GRAMD2B: variants seen among roughly 807,000 people sequenced by gnomAD.
GRAMD2B encodes GRAM domain containing 2B.
In GRAMD2B, 41 loss-of-function variants were observed where a neutral mutation model predicts 59.2. That is an observed-to-expected ratio of 0.69 (90% CI 0.54 to 0.90). The LOEUF is 0.90. GRAMD2B is among the 40% of genes least tolerant of loss of function. The pLI, the probability that GRAMD2B is intolerant of heterozygous loss-of-function variation, is 0.00. For synonymous variants in GRAMD2B, 161 were observed against 182.7 expected (o/e 0.88, Z 0.96); for missense variants, 424 against 500.5 (o/e 0.85, Z 1.46).
intron 1 of GRAMD2B, among the ~76,000 whole-genome samples, chr5:126,456,985 G>T (rs1197197370): frequency 6.6e-6 from 1 of 151,576 alleles, no homozygotes; most frequent in Non-Finnish European, 1.5e-5. Flanking sequence ...AAGGTCAGGA[G>T]ATCAAGACCA....
chr5:126,494,354 CAAAAAAAAAAGA>C (rs1368411887), exon 14 of GRAMD2B: 3 of 122,392 alleles, frequency 2.5e-5, no homozygotes, highest in Non-Finnish European at 5.1e-5. Flanking sequence ...ACTTTGAAGT[CAAAAAAAAAAGA>C]AAAAAAAAAA....
chr5:126,452,504 C>G (rs930906441), intron 1 of GRAMD2B, among the ~76,000 whole-genome samples: 1 of 152,198 alleles, frequency 6.6e-6, no homozygotes, highest in South Asian at 2.1e-4. Context: ...TCCTGAGTAT[C>G]AGGTTCATAA....
intron 8 of GRAMD2B, among the ~76,000 whole-genome samples, chr5:126,481,202 A>AG (rs1771685712): frequency 2.4e-4 from 18 of 74,888 alleles, no homozygotes; most frequent in African/African-American, 7.2e-4. Flanking sequence ...AAAAAAAAAA[A>AG]AAAAGAAAGA....
At chr5:126,385,360 G>T (rs1467779697) in intron 1 of GRAMD2B, among the ~76,000 whole-genome samples, 1 of 152,104 alleles carries the variant, frequency 6.6e-6, no homozygotes, top group Non-Finnish European at 1.5e-5. Context: ...CAACAAAAAG[G>T]ATACTATGAG....
chr5:126,370,717 C>T (rs1754705050), upstream of GRAMD2B, among the ~76,000 whole-genome samples: 1 of 152,154 alleles, frequency 6.6e-6, no homozygotes, highest in African/African-American at 2.4e-5. Context: ...CCTGCAGTTG[C>T]CCAGCCAGCA....
intron 1 of GRAMD2B, among the ~76,000 whole-genome samples, chr5:126,464,726 A>T (rs185708869): frequency 6.6e-6 from 1 of 152,344 alleles, no homozygotes; most frequent in Non-Finnish European, 1.5e-5. Flanking sequence ...GAGCTCTCAC[A>T]CTGAAGAGTT....
chr5:126,462,364 G>A (rs961688492), intron 1 of GRAMD2B: 11 of 969,282 alleles, frequency 1.1e-5, no homozygotes, highest in East Asian at 1.2e-4. Context: ...CCCCTCCCAC[G>A]CTGCTCACTC....
At chr5:126,479,020 T>C (rs1771190775) in intron 6 of GRAMD2B, among the ~76,000 whole-genome samples, 1 of 152,232 alleles carries the variant, frequency 6.6e-6, no homozygotes, top group African/African-American at 2.4e-5. Context: ...ACTATTGGGC[T>C]ACCACAGACA....
intron 1 of GRAMD2B, among the ~76,000 whole-genome samples, chr5:126,462,190 T>G (rs772314596): frequency 4.6e-5 from 7 of 152,252 alleles, no homozygotes; most frequent in Non-Finnish European, 1.0e-4. Context: ...GGGCTTTGTC[T>G]TCTGGTTAAA....
chr5:126,421,756 G>A (rs1759747161), upstream of GRAMD2B, among the ~76,000 whole-genome samples: 1 of 152,114 alleles, frequency 6.6e-6, no homozygotes, highest in Non-Finnish European at 1.5e-5. Context: ...GAAAGAACTT[G>A]CACCTCCAAA....
chr5:126,408,099 C>T (rs565797769), intron 1 of GRAMD2B, among the ~76,000 whole-genome samples: 165 of 151,580 alleles, frequency 1.1e-3, no homozygotes, highest in African/African-American at 3.9e-3. Context: ...ACCCTTGCTC[C>T]CCTCCTTCCC....
In GRAMD2B at chr5:126,390,795, C is replaced by G. The variant is rs1756659335; in HGVS notation, c.125+19228C>G. Among the ~76,000 whole-genome samples the G allele has an allele frequency of 2.6e-5, 4 of 152,162 alleles. No individual in the cohort carries two copies. In the South Asian group the frequency reaches 8.3e-4, roughly 32 times the overall value. ...TGTGCCAGACGTCTCCTCCTAAACTCTTTTCACAAATAGGCTAATTTAAAC... is the reference window on the plus strand; with the variant it reads ...TGTGCCAGACGTCTCCTCCTAAACTGTTTTCACAAATAGGCTAATTTAAAC... On this transcript the variant is annotated intron_variant, in intron 1 of 8. Transcript: ENST00000506445.
intron 1 of GRAMD2B, among the ~76,000 whole-genome samples, chr5:126,410,050 C>A (rs1468778487): frequency 1.2e-4 from 18 of 151,830 alleles, no homozygotes; most frequent in Admixed American, 2.0e-4. Context: ...TGATCTATAT[C>A]TCTGTTTTGG....
chr5:126,487,634 G>T lies in GRAMD2B; in HGVS notation c.1163+657G>T, dbSNP rs73785323. Among the ~76,000 whole-genome samples the T allele has an allele frequency of 9.3e-3, 1,419 of 152,292 alleles. 34 individuals carry two copies. Among genetic ancestry groups the T allele is most frequent in the African/African-American group, 0.032 (1,339 of 41,572 alleles). On this transcript the variant is annotated intron_variant, in intron 12 of 13. Coordinates refer to ENST00000285689, the MANE Select transcript of GRAMD2B (RefSeq NM_023927.4). Reference sequence around the variant, plus strand: ...AGTTTTTGAAGTAGAGATATTTCCTGACAGAGTATTCACCACATGCTGAAG... The same window carrying T: ...AGTTTTTGAAGTAGAGATATTTCCTTACAGAGTATTCACCACATGCTGAAG...
chr5:126,417,774 A>AAC (rs1460487549), intron 1 of GRAMD2B, among the ~76,000 whole-genome samples: 1 of 152,168 alleles, frequency 6.6e-6, no homozygotes, highest in African/African-American at 2.4e-5. Flanking sequence ...CTTTCTCTCC[A>AAC]ACACACTCTC....
intron 1 of GRAMD2B, among the ~76,000 whole-genome samples, chr5:126,400,827 A>G (rs1387106626): frequency 6.6e-6 from 1 of 152,136 alleles, no homozygotes; most frequent in Non-Finnish European, 1.5e-5. Flanking sequence ...AGTCTTATAT[A>G]CATTCCCTTG....
intron 2 of GRAMD2B, among the ~76,000 whole-genome samples, chr5:126,467,173 G>A (rs1429305554): frequency 1.3e-5 from 2 of 152,034 alleles, no homozygotes; most frequent in Non-Finnish European, 2.9e-5. Context: ...CACTCAGGAG[G>A]CTGAGGCAGA....
At chr5:126,373,782 A>G (rs1218633618) in intron 1 of GRAMD2B, among the ~76,000 whole-genome samples, 1 of 152,252 alleles carries the variant, frequency 6.6e-6, no homozygotes, top group African/African-American at 2.4e-5. Flanking sequence ...AGGCTGACTT[A>G]GAACCAGTCA....
chr5:126,467,324 A>T (rs1467324955), intron 2 of GRAMD2B: 1 of 152,038 alleles, frequency 6.6e-6, no homozygotes, highest in Non-Finnish European at 1.5e-5. Context: ...TTAATTAATA[A>T]TTTTTATATA....
Sources: allele counts gnomAD v4.1 joint callset (sites outside exome capture counted in the v4.1 genomes callset), GRCh38; gene constraint gnomAD v4.1.1; transcripts MANE v1.5; gene names NCBI Gene and HGNC (gene_info 2026-07-23, HGNC 2026-07-21).